Variants in AK7 observed in about 807,000 individuals in gnomAD.
The protein encoded by AK7 is ATP-AMP transphosphorylase 7.
Under a neutral mutation model 96.6 loss-of-function variants are expected in AK7, and 78 were observed. The observed-to-expected ratio is 0.81, with a 90% CI of 0.67 to 0.97. AK7 has a LOEUF of 0.97. Among genes scored for constraint, AK7 ranks in the 50% least tolerant of loss-of-function variants. The pLI is 0.00. For missense variants in AK7, 855 were observed against 887.9 expected (o/e 0.96, Z 0.47); for synonymous variants, 302 against 317.2 (o/e 0.95, Z 0.51).
Position 96,487,105 on chromosome 14 carries a change from C to T in AK7, c.2133+49C>T, listed in dbSNP as rs376586164. The T allele has an allele frequency of 6.0e-5, 96 of 1,587,478 alleles. 2 individuals carry two copies. The highest frequency in any genetic ancestry group is 4.7e-4 in the South Asian group (42 of 89,838). On this transcript the variant is annotated intron_variant, in intron 17 of 17. Coordinates refer to ENST00000267584, the MANE Select transcript of AK7 (RefSeq NM_152327.5). ...AAGATCAATTTGAGTTTGGGTGTGG[C>T]GGCTTACACCTGTAATCCCAGCACT...
At chr14:96,459,440 CAGTT>C (rs1894133591) in intron 12 of AK7, among the ~76,000 whole-genome samples, 1 of 151,916 alleles carries the variant, frequency 6.6e-6, no homozygotes, top group Non-Finnish European at 1.5e-5. Context: ...TCCAACCAAT[CAGTT>C]GGTTGTCCTT....
At chr14:96,482,877 G>A in intron 15 of AK7, 122 bp from the exon 16 acceptor site, 1 of 1,002,556 alleles carries the variant, frequency 1.0e-6, no homozygotes, top group Non-Finnish European at 1.5e-6. Context: ...AATTAGAAAA[G>A]AAAACCCTAT....
At position 96,399,762 on chromosome 14, in the gene AK7, T is replaced by G. The variant is rs1489210865; in HGVS notation, c.294+1499T>G. Among the ~76,000 whole-genome samples the G allele has an allele frequency of 2.0e-5, 3 of 152,190 alleles. No homozygotes were observed. The highest frequency in any genetic ancestry group is 7.2e-5 in the African/African-American group (3 of 41,444). ...CTGCACTGACTAAGCGCCCAAGTCC[T>G]CCTTCCCAGCTTCTTTCTCTGGCTC... On this transcript the variant is annotated intron_variant, in intron 2 of 17. Transcript: ENST00000267584. The surrounding 1 kb of genome is among the most constrained non-coding windows in gnomAD (Gnocchi z 4.1).
At chr14:96,402,868 G>T (rs1456089420) in intron 2 of AK7, among the ~76,000 whole-genome samples, 1 of 151,960 alleles carries the variant, frequency 6.6e-6, no homozygotes, top group Non-Finnish European at 1.5e-5. Context: ...AGTAGCTCAC[G>T]CCTGTAATCC....
intron 5 of AK7, among the ~76,000 whole-genome samples, chr14:96,436,370 C>A (rs147227125): frequency 6.6e-6 from 1 of 152,094 alleles, no homozygotes; most frequent in African/African-American, 2.4e-5. Flanking sequence ...GTAGGCCGGG[C>A]GCAGTGGCTT....
chr14:96,416,385 C>CA (rs35859783), intron 4 of AK7, among the ~76,000 whole-genome samples: 21,908 of 120,674 alleles, frequency 0.18, 2,156 homozygotes, highest in East Asian at 0.5. Context: ...GACTCTGTCT[C>CA]AAAAAAAAAA....
intron 5 of AK7, among the ~76,000 whole-genome samples, chr14:96,424,545 A>G (rs1281983900): frequency 6.6e-6 from 1 of 152,176 alleles, no homozygotes; most frequent in Non-Finnish European, 1.5e-5. Context: ...CCATTAGTGG[A>G]AGACCAGCGC....
intron 12 of AK7, among the ~76,000 whole-genome samples, chr14:96,463,927 A>T (rs1894413157): frequency 6.6e-6 from 1 of 152,058 alleles, no homozygotes; most frequent in African/African-American, 2.4e-5. Context: ...TGTCTGTGGA[A>T]GCCTGGACGT....
intron 5 of AK7, among the ~76,000 whole-genome samples, chr14:96,423,121 G>A (rs1891808237): frequency 6.6e-6 from 1 of 152,132 alleles, no homozygotes; most frequent in Non-Finnish European, 1.5e-5. Context: ...CAACAGCAAA[G>A]CCACTCTCCC....
intron 8 of AK7, among the ~76,000 whole-genome samples, chr14:96,447,936 G>A (rs1340619819): frequency 6.6e-6 from 1 of 151,874 alleles, no homozygotes; most frequent in African/African-American, 2.4e-5. Flanking sequence ...TCAAGCCTGG[G>A]CAACATGGTG....
Position 96,443,108 on chromosome 14 carries a change from T to C in AK7, c.779+290T>C, listed in dbSNP as rs565892445. On this transcript the variant is annotated intron_variant, in intron 7 of 17. Coordinates refer to ENST00000267584, the MANE Select transcript of AK7 (RefSeq NM_152327.5). Reference sequence around the variant, plus strand: ...ATTTTGGAAAAGAAAGAACTTGGTGTGTACATTCTGAGGACGTAGTTTCTT... The same window carrying C: ...ATTTTGGAAAAGAAAGAACTTGGTGCGTACATTCTGAGGACGTAGTTTCTT... 3.0e-4 allele frequency among the ~76,000 whole-genome samples: 45 copies of C among 152,350 alleles called. No individual in the cohort carries two copies. The East Asian group carries it at 7.9e-3, about 27-fold the overall frequency.
At chr14:96,484,490 A>C (rs1190804041) in intron 16 of AK7, among the ~76,000 whole-genome samples, 1 of 152,168 alleles carries the variant, frequency 6.6e-6, no homozygotes, top group Non-Finnish European at 1.5e-5. Flanking sequence ...ATTTGATAAA[A>C]ATCCAAACTT....
At chr14:96,429,868 A>G (rs1892245710) in intron 5 of AK7, among the ~76,000 whole-genome samples, 1 of 152,194 alleles carries the variant, frequency 6.6e-6, no homozygotes, top group Admixed American at 6.5e-5. Flanking sequence ...TTGGGCTGAG[A>G]CAATGGGGTT....
chr14:96,405,635 A>G (rs1344416406), intron 3 of AK7, among the ~76,000 whole-genome samples: 1 of 152,158 alleles, frequency 6.6e-6, no homozygotes, highest in African/African-American at 2.4e-5. Flanking sequence ...CCCAAGAGAA[A>G]CTTTAACTCA....
intron 4 of AK7, among the ~76,000 whole-genome samples, chr14:96,416,324 T>A (rs1368357900): frequency 6.6e-6 from 1 of 151,666 alleles, no homozygotes; most frequent in Non-Finnish European, 1.5e-5. Context: ...GAGGCAGAGG[T>A]TGCAGTGAGC....
intron 4 of AK7, among the ~76,000 whole-genome samples, chr14:96,413,500 A>G (rs578112590): frequency 2.0e-5 from 3 of 152,156 alleles, no homozygotes; most frequent in Non-Finnish European, 4.4e-5. Flanking sequence ...AACCCAAGCC[A>G]CTGCGCCTGC....
chr14:96,456,009 T>C (rs1893877378), intron 10 of AK7, among the ~76,000 whole-genome samples: 1 of 151,820 alleles, frequency 6.6e-6, no homozygotes, highest in African/African-American at 2.4e-5. Flanking sequence ...GAAGCTGAGG[T>C]GGGTAGATCA....
At chr14:96,431,128 A>G (rs562546696) in intron 5 of AK7, among the ~76,000 whole-genome samples, 56 of 151,878 alleles carry the variant, frequency 3.7e-4, no homozygotes, top group Non-Finnish European at 6.3e-4. Context: ...TTTTTATTGC[A>G]TCTATTTGAT....
rs536111438 is a variant in AK7, at chr14:96,413,023, C to A, written c.498+4082C>A. 2.6e-5 allele frequency among the ~76,000 whole-genome samples: 4 copies of A among 152,314 alleles called. No homozygotes were observed. The East Asian group carries it at 5.8e-4, about 22-fold the overall frequency. ...CCCAACAGCAGCCCTTCTGAGCACC[C>A]CCAGTACACAAATTGTATTCTGTAA... On this transcript the variant is annotated intron_variant, in intron 4 of 17. Coordinates refer to ENST00000267584, the MANE Select transcript of AK7 (RefSeq NM_152327.5).
Sources: allele counts gnomAD v4.1 joint callset (sites outside exome capture counted in the v4.1 genomes callset), GRCh38; gene constraint gnomAD v4.1.1; non-coding constraint Gnocchi (gnomAD v3.1); transcripts MANE v1.5; gene names NCBI Gene and HGNC (gene_info 2026-07-23, HGNC 2026-07-21).